Variants in ZBTB7A observed in about 807,000 individuals in gnomAD.
The protein encoded by ZBTB7A is zinc finger and BTB domain containing 7A, also known as zinc finger and BTB domain-containing protein 7A.
A neutral mutation model predicts 26.7 loss-of-function variants in ZBTB7A; 7 were observed. The ratio of observed to expected loss-of-function variants is 0.26; its 90% CI spans 0.15 to 0.49. The LOEUF (loss-of-function observed/expected upper bound fraction) is 0.49, where lower values mean the gene tolerates loss of function less well. Ranked by LOEUF, ZBTB7A falls within the 20% of genes least tolerant of loss-of-function variation. The pLI, the probability that ZBTB7A is intolerant of heterozygous loss-of-function variation, is 0.98. For missense variants in ZBTB7A, 617 were observed against 919.5 expected (o/e 0.67, Z 4.25); for synonymous variants, 452 against 441.0 (o/e 1.02, Z -0.31).
chr19:4,058,202 C>A (rs536685239), intron 1 of ZBTB7A, among the ~76,000 whole-genome samples: 2 of 152,202 alleles, frequency 1.3e-5, no homozygotes, highest in Non-Finnish European at 2.9e-5. Context: ...GTAACAGAGA[C>A]CGGGCTACAG....
At chr19:4,066,138 C>A (rs1356796389) in intron 1 of ZBTB7A, among the ~76,000 whole-genome samples, 1 of 142,020 alleles carries the variant, frequency 7.0e-6, no homozygotes, top group Non-Finnish European at 1.6e-5. Flanking sequence ...GCCCGCCCAC[C>A]CGGACACCCC....
rs1188308662 is a variant in ZBTB7A, at chr19:4,044,983, G to A, written c.*2769C>T. On this transcript the variant is annotated 3_prime_UTR_variant, in exon 3 of 3. Coordinates refer to ENST00000322357, the MANE Select transcript of ZBTB7A (RefSeq NM_015898.4). The stretch of plus-strand genomic sequence containing the variant: ...CTGGGGAGGGCGGGGCTGGGCTGGG[G>A]GGGTCCCGGCTCTGGGCCCATGCAG... 1.3e-5 allele frequency: 2 copies of A among 152,256 alleles called. No individual in the cohort carries two copies. The highest frequency in any genetic ancestry group is 4.8e-5 in the African/African-American group (2 of 41,446). The allele number at this position is 152,256 out of a possible 1,614,324, so 9.4% of individuals were successfully genotyped here.
Position 4,055,215 on chromosome 19 carries a change from G to A in ZBTB7A, c.18C>T (p.Asp6=), listed in dbSNP as rs1012931799. Residue 6 remains aspartate (D), a synonymous_variant, in exon 2 of 3, where the codon GAC becomes GAT. Transcript: ENST00000322357. Reference sequence around the variant, plus strand: ...CGGGGAACGGGATCCCGATGGGGCCGTCCACGCCGCCGGCCATCTTCCGCG... The same window carrying A: ...CGGGGAACGGGATCCCGATGGGGCCATCCACGCCGCCGGCCATCTTCCGCG... The part of the protein sequence containing the change: MAGGV[D]GPIGIPFPDH... 11 of 1,530,954 alleles carry A rather than the reference G, an allele frequency of 7.2e-6. No homozygotes were observed. Among genetic ancestry groups the A allele is most frequent in the Non-Finnish European group, 9.7e-6 (11 of 1,139,484 alleles). 94.8% of individuals were successfully genotyped at this position (1,530,954 alleles called of 1,614,324 possible).
intron 1 of ZBTB7A, among the ~76,000 whole-genome samples, chr19:4,057,305 T>C (rs2144998875): frequency 6.7e-6 from 1 of 149,304 alleles, no homozygotes; most frequent in South Asian, 2.2e-4. Context: ...ATTGCGCCAT[T>C]GTACTCCAGC....
intron 2 of ZBTB7A, among the ~76,000 whole-genome samples, chr19:4,049,915 C>T (rs771513669): frequency 6.6e-6 from 1 of 152,030 alleles, no homozygotes; most frequent in East Asian, 1.9e-4. Flanking sequence ...GTCATCACCA[C>T]CTGACTCTTC....
chr19:4,054,102 T>G lies in ZBTB7A; in HGVS notation c.1131A>C (p.Arg377=). 1.2e-6 allele frequency: 2 copies of G among 1,610,146 alleles called. No individual in the cohort carries two copies. Among genetic ancestry groups the G allele is most frequent in the Non-Finnish European group, 1.7e-6 (2 of 1,179,872 alleles). ...TGGGGCACTTCTGGAAGGCCTTGGC[T>G]CGGATCTTCTTCTCCACCTTCTGCG... ...AWSQKVEKKI[R]AKAFQKCPIC... The change falls in exon 2 of 3, where the codon CGA becomes CGC. Residue 377 remains arginine (R), a synonymous_variant. Transcript: ENST00000322357.
chr19:4,055,624 C>T (rs1005150905), intron 1 of ZBTB7A: 4 of 254,568 alleles, frequency 1.6e-5, no homozygotes, highest in African/African-American at 2.3e-5. Context: ...GGATGGAGAC[C>T]ATCCTGGCTA....
rs979819878 is a variant in ZBTB7A, at chr19:4,047,192, G to C, written c.*560C>G. On this transcript the variant is annotated 3_prime_UTR_variant, in exon 3 of 3. Coordinates refer to ENST00000322357, the MANE Select transcript of ZBTB7A (RefSeq NM_015898.4). ...GATGGAGAGGGAGACCCCTCCCTTAGTAAGTGCCCTGAGGAAGGAGGGTGC... is the reference window on the plus strand; with the variant it reads ...GATGGAGAGGGAGACCCCTCCCTTACTAAGTGCCCTGAGGAAGGAGGGTGC... The C allele has an allele frequency of 6.6e-6, 1 of 152,212 alleles. No individual in the cohort carries two copies. Among genetic ancestry groups the C allele is most frequent in the Non-Finnish European group, 1.5e-5 (1 of 68,020 alleles). 9.4% of individuals were successfully genotyped at this position (152,212 alleles called of 1,614,324 possible).
intron 1 of ZBTB7A, among the ~76,000 whole-genome samples, chr19:4,064,591 C>A (rs938375146): frequency 3.3e-5 from 5 of 152,248 alleles, no homozygotes; most frequent in Admixed American, 6.5e-5. Flanking sequence ...TGGGGAGGCA[C>A]CCCCAGTGTG....
chr19:4,066,422 G>A (rs868511279), intron 1 of ZBTB7A, among the ~76,000 whole-genome samples: 1 of 143,892 alleles, frequency 6.9e-6, no homozygotes, highest in Non-Finnish European at 1.5e-5. Flanking sequence ...CCATGCACCC[G>A]GGTTGGGGGG....
intron 1 of ZBTB7A, among the ~76,000 whole-genome samples, chr19:4,060,385 T>C (rs1031289336): frequency 3.3e-5 from 5 of 152,132 alleles, no homozygotes; most frequent in African/African-American, 1.2e-4. Context: ...GCTGTAGTGT[T>C]TGTCGAGAGC....
rs2040413442 is a variant in ZBTB7A at position 4,046,116 on chromosome 19, C to T, written c.*1636G>A. The T allele has an allele frequency of 1.0e-5, 4 of 398,802 alleles. No individual in the cohort carries two copies. Among genetic ancestry groups the T allele is most frequent in the Non-Finnish European group, 8.8e-6 (2 of 226,040 alleles). 24.7% of individuals were successfully genotyped at this position (398,802 alleles called of 1,614,324 possible). On this transcript the variant is annotated 3_prime_UTR_variant, in exon 3 of 3. Coordinates refer to ENST00000322357, the MANE Select transcript of ZBTB7A (RefSeq NM_015898.4). ...GAGGAGGAAGGAGAGACCCCGTGGA[C>T]AGAAGCGGGCGCTAAGACCTCTTCA...
At position 4,044,664 on chromosome 19, in the gene ZBTB7A, T is replaced by C. The variant is rs552231767; in HGVS notation, c.*3088A>G. 11 of 68,698 alleles carry C rather than the reference T, an allele frequency of 1.6e-4. No homozygotes were observed. The highest frequency in any genetic ancestry group is 7.1e-4 in the African/African-American group (11 of 15,464). The allele number at this position is 68,698 out of a possible 1,614,324, so 4.3% of individuals were successfully genotyped here. A position where few individuals can be genotyped will look rare whatever the true frequency, so the allele number is the denominator to read the frequency against. On this transcript the variant is annotated 3_prime_UTR_variant, in exon 3 of 3. Transcript: ENST00000322357. ...GAGAATGGAAATAACAATTTCGCAT[T>C]GTTTTTCTTTTTTTTTTTTCTCTTT...
chr19:4,043,608 G>T lies in ZBTB7A; in HGVS notation c.*4144C>A, dbSNP rs1183098956. On this transcript the variant is annotated 3_prime_UTR_variant, in exon 3 of 3. Coordinates refer to ENST00000322357, the MANE Select transcript of ZBTB7A (RefSeq NM_015898.4). ...AAAGTCCAAGGCACCTCGATTCTGG[G>T]CCTGGGGTGGGGTGGGGGGCGGGAC... Among the ~76,000 whole-genome samples, 1 of 151,448 alleles carries T rather than the reference G, an allele frequency of 6.6e-6. No homozygotes were observed. The highest frequency in any genetic ancestry group is 2.0e-4 in the East Asian group (1 of 5,126).
rs1457032500 is a variant in ZBTB7A at position 4,043,304 on chromosome 19, G to A, written c.*4448C>T. Among the ~76,000 whole-genome samples, 1 of 150,550 alleles carries A rather than the reference G, an allele frequency of 6.6e-6. No homozygotes were observed. The highest frequency in any genetic ancestry group is 1.5e-5 in the Non-Finnish European group (1 of 67,694). ...AAATGAGGCGACTGAGGCGGCAGCG[G>A]TCGTAACAGGCTGCGTTTAGTGGTT... On this transcript the variant is annotated 3_prime_UTR_variant, in exon 3 of 3. Transcript: ENST00000322357.
At chr19:4,059,091 C>G (rs1160334837) in intron 1 of ZBTB7A, among the ~76,000 whole-genome samples, 1 of 152,216 alleles carries the variant, frequency 6.6e-6, no homozygotes, top group African/African-American at 2.4e-5. Context: ...CCGTCTGGCC[C>G]TGGGCCGCGG....
chr19:4,066,042 C>T (rs1236815816), intron 1 of ZBTB7A, among the ~76,000 whole-genome samples: 5 of 149,968 alleles, frequency 3.3e-5, no homozygotes, highest in African/African-American at 7.3e-5. Flanking sequence ...GCGCGGGGCA[C>T]CCTGGGACTT....
Position 4,044,275 on chromosome 19 carries a change from C to T in ZBTB7A, c.*3477G>A, listed in dbSNP as rs890449173. ...GGGGCAGACTTTGGTATCGCCCGCT[C>T]GAGCCTGCCTGGCTGCAGGTCCACA... On this transcript the variant is annotated 3_prime_UTR_variant, in exon 3 of 3. Transcript: ENST00000322357. 6.6e-6 allele frequency: 1 copy of T among 151,894 alleles called. No homozygotes were observed. The highest frequency in any genetic ancestry group is 1.5e-5 in the Non-Finnish European group (1 of 68,016). 9.4% of individuals were successfully genotyped at this position (151,894 alleles called of 1,614,324 possible). A position where few individuals can be genotyped will look rare whatever the true frequency, so the allele number is the denominator to read the frequency against.
chr19:4,054,225 G>A lies in ZBTB7A; in HGVS notation c.1008C>T (p.Asp336=). The change falls in exon 2 of 3, where the codon GAC becomes GAT. Residue 336 remains aspartate, a synonymous_variant. Coordinates refer to ENST00000322357, the MANE Select transcript of ZBTB7A (RefSeq NM_015898.4). ...SVGRAGAAAG[D]SDEESRADDK... The stretch of plus-strand genomic sequence containing the variant: ...CGTCGGCCCGCGACTCCTCGTCGCT[G>A]TCCCCCGCCGCGGCCCCCGCCCGGC... The A allele has an allele frequency of 1.3e-6, 2 of 1,582,634 alleles. No homozygotes were observed. The highest frequency in any genetic ancestry group is 1.3e-5 in the African/African-American group (1 of 74,622).
Sources: gnomAD v4.1 joint callset for allele counts (sites outside exome capture counted in the v4.1 genomes callset) on GRCh38, gnomAD v4.1.1 for gene constraint, MANE v1.5 for transcripts, NCBI Gene and HGNC (gene_info 2026-07-23, HGNC 2026-07-21) for gene names.